The following ARHGEF10 variants were observed in gnomAD, a reference collection of about 807,000 sequenced individuals.
The protein encoded by ARHGEF10 is Rho guanine nucleotide exchange factor 10.
In ARHGEF10, 140 loss-of-function variants were observed where a neutral mutation model predicts 147.4. That is an observed-to-expected ratio of 0.95 (90% CI 0.83 to 1.09). The LOEUF (loss-of-function observed/expected upper bound fraction) is 1.09, where lower values mean the gene tolerates loss of function less well. ARHGEF10 is among the 50% of genes least tolerant of loss of function. The pLI, the probability that ARHGEF10 is intolerant of heterozygous loss-of-function variation, is 0.00. For synonymous variants in ARHGEF10, 902 were observed against 695.8 expected (o/e 1.30, Z -4.67); for missense variants, 2,222 against 1,752.7 (o/e 1.27, Z -4.78).
At position 1,849,880 on chromosome 8, in the gene ARHGEF10, CG is replaced by C. The variant is rs769007420; in HGVS notation, c.37+6445del. 1.7e-4 allele frequency among the ~76,000 whole-genome samples: 23 copies of C among 135,662 alleles called. No individual in the cohort carries two copies. In the East Asian group the frequency reaches 2.6e-3, roughly 15 times the overall value. The allele number at this position is 135,662 out of a possible 152,430, so 89.0% of individuals were successfully genotyped here. A position where few individuals can be genotyped will look rare whatever the true frequency, so the allele number is the denominator to read the frequency against. On this transcript the variant is annotated intron_variant, in intron 2 of 28. Coordinates refer to ENST00000349830, the MANE Select transcript of ARHGEF10 (RefSeq NM_014629.4). ...CACAGACAGCAAATGCTGAGGAGGG[CG>C]TGGGGCGACCATGTGGACACAGAGG...
At chr8:1,854,885 T>G (rs1471929810) in intron 2 of ARHGEF10, among the ~76,000 whole-genome samples, 1 of 151,968 alleles carries the variant, frequency 6.6e-6, no homozygotes, top group South Asian at 2.1e-4. Flanking sequence ...ACGCATGCGG[T>G]TCTTCTCAGG....
At position 1,860,088 on chromosome 8, in the gene ARHGEF10, G is replaced by C. The variant is rs776745288; in HGVS notation, c.385G>C (p.Val129Leu). The change falls in exon 4 of 29, where the codon GTA becomes CTA. Residue 129 changes from valine (V) to leucine (L), a missense_variant. By Grantham distance (32) the Val-to-Leu change is conservative. Coordinates refer to ENST00000349830, the MANE Select transcript of ARHGEF10 (RefSeq NM_014629.4). The stretch of plus-strand genomic sequence containing the variant: ...TGTGCCCTGCGGGTACTTGGTGCCT[G>C]TACCCTGCGGCTATGCGGTGCCCTC... Reference protein sequence around the residue: ...LHVPCGYLVPVPCGYAVPSNL... With the variant: ...LHVPCGYLVPLPCGYAVPSNL... The C allele has an allele frequency of 1.9e-6, 3 of 1,613,932 alleles. No homozygotes were observed. The highest frequency in any genetic ancestry group is 1.7e-6 in the Non-Finnish European group (2 of 1,179,962).
In ARHGEF10 at chr8:1,940,682, A is replaced by G. The variant is rs146534589; in HGVS notation, c.3223-4799A>G. ...ACCAAAGACATGACAAGAAAACCACAGACCGGTATCCACTGTGAGCACGGA... is the reference window on the plus strand; with the variant it reads ...ACCAAAGACATGACAAGAAAACCACGGACCGGTATCCACTGTGAGCACGGA... On this transcript the variant is annotated intron_variant, in intron 26 of 28. Coordinates refer to ENST00000349830, the MANE Select transcript of ARHGEF10 (RefSeq NM_014629.4). 8.7e-4 allele frequency among the ~76,000 whole-genome samples: 133 copies of G among 152,348 alleles called. 3 individuals are homozygous for G. The East Asian group carries it at 0.022, about 26-fold the overall frequency.
intron 9 of ARHGEF10, among the ~76,000 whole-genome samples, chr8:1,882,040 C>T (rs1470547772): frequency 6.6e-6 from 1 of 152,206 alleles, no homozygotes; most frequent in African/African-American, 2.4e-5. Context: ...CAGGGAGCCC[C>T]AGGCCAGGGG....
intron 26 of ARHGEF10, among the ~76,000 whole-genome samples, chr8:1,935,280 G>T (rs541953435): frequency 1.2e-4 from 18 of 152,206 alleles, no homozygotes; most frequent in African/African-American, 2.9e-4. Context: ...GCCTGCATGG[G>T]CCTGTCATCA....
intron 26 of ARHGEF10, among the ~76,000 whole-genome samples, chr8:1,943,046 G>A (rs1299734968): frequency 6.6e-6 from 1 of 152,196 alleles, no homozygotes; most frequent in African/African-American, 2.4e-5. Flanking sequence ...TGAACTTCAT[G>A]ATATGTGAAT....
At chr8:1,882,788 G>T in intron 10 of ARHGEF10, 39 bp downstream of exon 10, 1 of 1,335,182 alleles carries the variant, frequency 7.5e-7, no homozygotes, top group Non-Finnish European at 1.0e-6. Context: ...AGGACACGGG[G>T]TTGGGGGGGG....
chr8:1,890,518 G>A (rs1809427938), intron 11 of ARHGEF10, among the ~76,000 whole-genome samples: 2 of 150,692 alleles, frequency 1.3e-5, no homozygotes, highest in South Asian at 2.1e-4. Context: ...TGAGTGGGGC[G>A]AGACGGGTCT....
chr8:1,952,974 A>C (rs1024974538), intron 28 of ARHGEF10, 147 bp downstream of exon 28: 3 of 1,190,036 alleles, frequency 2.5e-6, no homozygotes, highest in Non-Finnish European at 3.5e-6. Context: ...GACTTAATAG[A>C]CTGTTTAATT....
chr8:1,897,339 C>T (rs974097367), intron 14 of ARHGEF10, among the ~76,000 whole-genome samples: 52 of 151,106 alleles, frequency 3.4e-4, no homozygotes, highest in African/African-American at 1.1e-3. Flanking sequence ...GGGATCGGAT[C>T]GCAGTTCCCA....
chr8:1,864,345 C>A (rs756546405), intron 4 of ARHGEF10, 28 bp from the exon 5 acceptor site: 2 of 1,611,736 alleles, frequency 1.2e-6, no homozygotes, highest in Non-Finnish European at 1.7e-6. Flanking sequence ...AGGCGTAAAG[C>A]AGCATCACAT....
At chr8:1,843,192 T>A (rs1804227026) in intron 1 of ARHGEF10, among the ~76,000 whole-genome samples, 161 bp from the exon 2 acceptor site, 1 of 152,244 alleles carries the variant, frequency 6.6e-6, no homozygotes. Flanking sequence ...CAAGGGAGAT[T>A]TACAAGTATT....
At chr8:1,853,326 A>G (rs1272882683) in intron 2 of ARHGEF10, among the ~76,000 whole-genome samples, 1 of 152,192 alleles carries the variant, frequency 6.6e-6, no homozygotes, top group East Asian at 1.9e-4. Flanking sequence ...TGGGCTCCAC[A>G]GGGACCAACG....
intron 7 of ARHGEF10, among the ~76,000 whole-genome samples, chr8:1,872,320 G>T (rs1255932014): frequency 6.6e-6 from 1 of 152,146 alleles, no homozygotes; most frequent in Non-Finnish European, 1.5e-5. Context: ...TTTTATGCTG[G>T]GGTTTATTGA....
chr8:1,896,155 C>T (rs1187131668), intron 13 of ARHGEF10, among the ~76,000 whole-genome samples, 178 bp from the exon 14 acceptor site: 1 of 152,206 alleles, frequency 6.6e-6, no homozygotes, highest in African/African-American at 2.4e-5. Flanking sequence ...AGCAACTTAA[C>T]TCCTAACACG....
chr8:1,936,284 A>G (rs1446017480), intron 26 of ARHGEF10, among the ~76,000 whole-genome samples: 9 of 152,148 alleles, frequency 5.9e-5, no homozygotes, highest in Non-Finnish European at 1.3e-4. Flanking sequence ...GGAGACCAAG[A>G]TAGGTGGATC....
rs760883718 is a variant in ARHGEF10 at position 1,860,073 on chromosome 8, G to A, written c.370G>A (p.Gly124Arg). The change falls in exon 4 of 29, where the codon GGG becomes AGG. Residue 124 changes from glycine (G) to arginine (R), a missense_variant. Coordinates refer to ENST00000349830, the MANE Select transcript of ARHGEF10 (RefSeq NM_014629.4). ...EENVGLHVPCGYLVPVPCGYA... is the reference protein window; with the variant it reads ...EENVGLHVPCRYLVPVPCGYA... The stretch of plus-strand genomic sequence containing the variant: ...GAATGTGGGTCTCCATGTGCCCTGC[G>A]GGTACTTGGTGCCTGTACCCTGCGG... 7.4e-5 allele frequency: 120 copies of A among 1,613,912 alleles called. 1 individual carries two copies. Among genetic ancestry groups the A allele is most frequent in the Non-Finnish European group, 8.9e-5 (105 of 1,179,956 alleles).
At chr8:1,891,418 A>G (rs2129150469) in intron 11 of ARHGEF10, among the ~76,000 whole-genome samples, 1 of 152,320 alleles carries the variant, frequency 6.6e-6, no homozygotes, top group East Asian at 1.9e-4. Context: ...GGGGTGGAAA[A>G]AGGCAAATGT....
At chr8:1,877,211 G>A (rs1400228211) in intron 8 of ARHGEF10, among the ~76,000 whole-genome samples, 2 of 152,114 alleles carry the variant, frequency 1.3e-5, no homozygotes, top group Non-Finnish European at 2.9e-5. Flanking sequence ...AAACTGACCT[G>A]TGACAATCCT....
Sources: gnomAD v4.1 joint callset for allele counts (sites outside exome capture counted in the v4.1 genomes callset) on GRCh38, gnomAD v4.1.1 for gene constraint, MANE v1.5 for transcripts, NCBI Gene and HGNC (gene_info 2026-07-23, HGNC 2026-07-21) for gene names.